SYNE2: variants seen among roughly 807,000 people sequenced by gnomAD.
The protein encoded by SYNE2 is spectrin repeat containing nuclear envelope protein 2.
In SYNE2, 431 loss-of-function variants were observed where a neutral mutation model predicts 856.3. The ratio of observed to expected loss-of-function variants is 0.50; its 90% CI spans 0.47 to 0.55. The LOEUF (loss-of-function observed/expected upper bound fraction) is 0.55, where lower values mean the gene tolerates loss of function less well. SYNE2 is among the 20% of genes least tolerant of loss of function. SYNE2 has a pLI of 0.00. For missense variants in SYNE2, 8,129 were observed against 8,023.2 expected, an observed-to-expected ratio of 1.01 and a Z score of -0.50; for synonymous variants, 2,923 against 2,872.3, an observed-to-expected ratio of 1.02 and a Z score of -0.56.
chr14:63,983,758 A>AT lies in SYNE2; in HGVS notation c.2024dup (p.Gln678ThrfsTer7). 6.2e-7 allele frequency: 1 copy of AT among 1,613,024 alleles called. No homozygotes were observed. The highest frequency in any genetic ancestry group is 1.1e-5 in the South Asian group (1 of 90,984). ...ATAGGAAATGAACCTGCCACTGATG[A>AT]TAAAAAAACAGGATCAGCCCACTTT... On this transcript the variant is annotated frameshift_variant, in exon 18 of 116. Coordinates refer to ENST00000555002, the MANE Select transcript of SYNE2 (RefSeq NM_182914.3). LOFTEE classifies it high-confidence loss of function.
At chr14:63,961,504 A>T in intron 8 of SYNE2, 21 bp from the exon 9 acceptor site, 2 of 1,578,502 alleles carry the variant, frequency 1.3e-6, no homozygotes, top group Non-Finnish European at 8.7e-7. Flanking sequence ...CAGCTAATTG[A>T]TAGTGTGGTG....
intron 33 of SYNE2, among the ~76,000 whole-genome samples, chr14:64,017,261 G>A (rs1041861284): frequency 2.7e-5 from 4 of 148,198 alleles, no homozygotes; most frequent in Admixed American, 6.8e-5. Flanking sequence ...CTCGGGAGGC[G>A]GAGCTTGCAG....
rs537460222 is a variant in SYNE2, at chr14:63,920,067, A to G, written c.79+10840A>G. Among the ~76,000 whole-genome samples the G allele has an allele frequency of 1.2e-3, 183 of 147,236 alleles. 1 individual carries two copies. Among genetic ancestry groups the G allele is most frequent in the Non-Finnish European group, 6.4e-4 (43 of 67,386 alleles). On this transcript the variant is annotated intron_variant, in intron 2 of 115. Transcript: ENST00000555002. Reference sequence around the variant, plus strand: ...TCGGTTTACTCTGAAAGCCCCATTCATTTATTTGTTCATTCATTATTCAAC... The same window carrying G: ...TCGGTTTACTCTGAAAGCCCCATTCGTTTATTTGTTCATTCATTATTCAAC...
At position 64,223,331 on chromosome 14, in the gene SYNE2, A is replaced by G; in HGVS notation, c.20333A>G (p.Gln6778Arg). Residue 6778 changes from glutamine to arginine, a missense_variant, in exon 113 of 116, where the codon CAG becomes CGG. Physicochemically the swap from Gln to Arg is conservative, Grantham distance 43 (BLOSUM62 1). Around this residue, in one of 3 missense-constraint regions of SYNE2, gnomAD observed 5,410 missense variants for 5,284.8 expected, o/e 1.02. Coordinates refer to ENST00000555002, the MANE Select transcript of SYNE2 (RefSeq NM_182914.3). The stretch of plus-strand genomic sequence containing the variant: ...CATGTTATTGAGAAGAAACTCAAAC[A>G]GTTACGGGAGCAAGTGTCCCAAGAT... ...KVHVIEKKLK[Q>R]LREQVSQDLM... 2 of 1,614,214 alleles carry G rather than the reference A, an allele frequency of 1.2e-6. No homozygotes were observed. Among genetic ancestry groups the G allele is most frequent in the Non-Finnish European group, 1.7e-6 (2 of 1,180,020 alleles).
At chr14:63,920,544 G>C (rs1423309527) in intron 2 of SYNE2, among the ~76,000 whole-genome samples, 1 of 150,580 alleles carries the variant, frequency 6.6e-6, no homozygotes, top group Non-Finnish European at 1.5e-5. Context: ...CTAAGACCAA[G>C]CAGAAGCAAT....
intron 6 of SYNE2, 38 bp from the exon 7 acceptor site, chr14:63,949,787 T>A (rs371492764): frequency 9.5e-5 from 154 of 1,612,596 alleles, no homozygotes; most frequent in Non-Finnish European, 1.2e-4. Context: ...TGGTAACTTA[T>A]GCTTTTATAA....
chr14:64,096,509 G>A (rs2097678526), intron 61 of SYNE2, among the ~76,000 whole-genome samples: 1 of 152,202 alleles, frequency 6.6e-6, no homozygotes, highest in African/African-American at 2.4e-5. Context: ...TGTTATCCTA[G>A]TGGCTGTAGT....
chr14:63,970,133 A>G lies in SYNE2; in HGVS notation c.1128+2287A>G, dbSNP rs943569613. ...CATCTATTTGGAGTCTTTATATTCA[A>G]AGTGTATCTCTATAAATGACACCGT... On this transcript the variant is annotated intron_variant, in intron 11 of 115. Coordinates refer to ENST00000555002, the MANE Select transcript of SYNE2 (RefSeq NM_182914.3). 9.2e-5 allele frequency among the ~76,000 whole-genome samples: 14 copies of G among 152,128 alleles called. No homozygotes were observed. In the South Asian group the frequency reaches 2.1e-3, roughly 23 times the overall value.
chr14:63,774,566 G>A (rs1218291887), intron 1 of SYNE2, among the ~76,000 whole-genome samples: 1 of 151,152 alleles, frequency 6.6e-6, no homozygotes, highest in Non-Finnish European at 1.5e-5. Flanking sequence ...ACAGGGTCTC[G>A]CTCTGTCACC....
In SYNE2 at chr14:64,139,413, TA is replaced by T. The variant is rs201382955; in HGVS notation, c.14844-527del. On this transcript the variant is annotated intron_variant, in intron 79 of 115. Transcript: ENST00000555002. ...CTTTAGACTTCCTCATTATTATTATTATTTTTTTTTTTATTTGAGACAGAGT... is the reference window on the plus strand; with the variant it reads ...CTTTAGACTTCCTCATTATTATTATTTTTTTTTTTTTATTTGAGACAGAGT... Among the ~76,000 whole-genome samples the T allele has an allele frequency of 9.1e-3, 1,379 of 150,820 alleles. 20 individuals carry two copies. The highest frequency in any genetic ancestry group is 0.032 in the African/African-American group (1,309 of 40,994).
chr14:63,990,535 A>C lies in SYNE2; in HGVS notation c.2438A>C (p.Gln813Pro), dbSNP rs1485742856. 1.2e-6 allele frequency: 2 copies of C among 1,613,970 alleles called. No homozygotes were observed. ...SFQHVLTTGL[Q>P]AKIQEAKEKV... is the part of the protein sequence containing the mutation. ...CAACATGTTCTCACAACTGGGCTTCAGGCAAAGATTCAAGAAGCTAAAGAG... is the reference window on the plus strand; with the variant it reads ...CAACATGTTCTCACAACTGGGCTTCCGGCAAAGATTCAAGAAGCTAAAGAG... Residue 813 changes from glutamine (Q) to proline (P), a missense_variant, in exon 20 of 116, where the codon CAG (glutamine) becomes CCG (proline). Around this residue, in one of 3 missense-constraint regions of SYNE2, gnomAD observed 2,422 missense variants for 2,357.4 expected, o/e 1.03. Transcript: ENST00000555002.
At chr14:64,029,765 C>CT (rs757549332) in intron 43 of SYNE2, 130 bp from the exon 44 acceptor site, 9 of 1,132,718 alleles carry the variant, frequency 7.9e-6, no homozygotes, top group Non-Finnish European at 1.2e-5. Context: ...CTTTAGAACT[C>CT]TAATTTATAG....
chr14:64,089,768 G>A, intron 59 of SYNE2, 72 bp downstream of exon 59: 1 of 1,312,638 alleles, frequency 7.6e-7, no homozygotes, highest in Admixed American at 1.8e-5. Flanking sequence ...ATAATATAAT[G>A]TGATTTAAAA....
At chr14:63,910,064 G>A (rs1022511132) in intron 2 of SYNE2, among the ~76,000 whole-genome samples, 1 of 152,144 alleles carries the variant, frequency 6.6e-6, no homozygotes, top group African/African-American at 2.4e-5. Flanking sequence ...GCAAATTTTG[G>A]AGTTGAGTAA....
chr14:63,868,069 G>T (rs1255661774), intron 1 of SYNE2, among the ~76,000 whole-genome samples: 1 of 151,932 alleles, frequency 6.6e-6, no homozygotes, highest in Non-Finnish European at 1.5e-5. Context: ...AAAAGAAAAA[G>T]AAGCTTTTTG....
At chr14:64,021,640 CT>C in intron 36 of SYNE2, 125 bp downstream of exon 36, 1 of 1,274,280 alleles carries the variant, frequency 7.8e-7, no homozygotes, top group Non-Finnish European at 1.1e-6. Context: ...AGAAAAACCG[CT>C]TTTGTATATT....
At chr14:64,224,925 GA>G in intron 114 of SYNE2, 73 bp from the exon 115 acceptor site, 1 of 1,244,980 alleles carries the variant, frequency 8.0e-7, no homozygotes, top group Non-Finnish European at 1.2e-6. Flanking sequence ...TTTAAGGGAG[GA>G]TTTTTTTTTT....
intron 20 of SYNE2, 64 bp from the exon 21 acceptor site, chr14:63,990,878 G>A: frequency 2.2e-6 from 3 of 1,355,414 alleles, no homozygotes; most frequent in South Asian, 1.2e-5. Flanking sequence ...CAAAGTATTT[G>A]TTAACTTAAG....
At chr14:63,968,927 G>C (rs186397900) in intron 11 of SYNE2, among the ~76,000 whole-genome samples, 1 of 152,166 alleles carries the variant, frequency 6.6e-6, no homozygotes, top group Admixed American at 6.5e-5. Context: ...TCAAATAGTA[G>C]GTCTTATTTG....
Sources: gnomAD v4.1 joint callset for allele counts (sites outside exome capture counted in the v4.1 genomes callset) on GRCh38, gnomAD v4.1.1 for gene constraint, gnomAD v4.1.1 regional missense constraint, MANE v1.5 for transcripts, NCBI Gene and HGNC (gene_info 2026-07-23, HGNC 2026-07-21) for gene names.